FREM3: variants seen among roughly 807,000 people sequenced by gnomAD.
FREM3 encodes the protein FRAS1 related extracellular matrix 3.
FREM3 carries 105 observed loss-of-function variants against 129.1 expected under a neutral mutation model. The observed-to-expected ratio is 0.81, with a 90% confidence interval of 0.69 to 0.96. The LOEUF (loss-of-function observed/expected upper bound fraction) is 0.96, where lower values mean the gene tolerates loss of function less well. Ranked by LOEUF, FREM3 falls within the 40% of genes least tolerant of loss-of-function variation. The pLI is 0.00. For synonymous variants in FREM3, 1,014 were observed against 1,044.9 expected, an observed-to-expected ratio of 0.97 and a Z score of 0.57; for missense variants, 2,593 against 2,666.3, an observed-to-expected ratio of 0.97 and a Z score of 0.61.
At chr4:143,693,274 G>T in intron 1 of FREM3, 72 bp from the exon 2 acceptor site, 1 of 629,976 alleles carries the variant, frequency 1.6e-6, no homozygotes, top group South Asian at 2.6e-5. Context: ...CAACTTCAAA[G>T]TTTTAATTAG....
In FREM3 at chr4:143,691,717, G is replaced by A. The variant is rs140797632; in HGVS notation, c.5275+1396C>T. ...GTCTTTAGGGACTGGCTAGCTCACA[G>A]AAAAAAGTTAAAACATGGTAGCTAC... is the stretch of plus-strand genomic sequence containing the variant. On this transcript the variant is annotated intron_variant, in intron 2 of 7. Transcript: ENST00000329798. Among the ~76,000 whole-genome samples the A allele has an allele frequency of 1.1e-4, 17 of 152,290 alleles. No homozygotes were observed. The East Asian group carries it at 3.3e-3, about 29-fold the overall frequency.
At position 143,697,190 on chromosome 4, in the gene FREM3, T is replaced by C. The variant is rs1740588719; in HGVS notation, c.3486A>G (p.Gln1162=). 2.0e-6 allele frequency: 3 copies of C among 1,537,822 alleles called. No homozygotes were observed. The highest frequency in any genetic ancestry group is 2.0e-5 in the Admixed American group (1 of 50,994). ...AGCAATAAAAGGTGAATTGGTCCTC[T>C]TGTGGCTCTACTCCCTTGTGAATAC... ...VQSIHKGVEP[Q]EDQFTFYCSD... Residue 1162 remains glutamine (Q), a synonymous_variant, in exon 1 of 8, where the codon CAA becomes CAG. Coordinates refer to ENST00000329798, the MANE Select transcript of FREM3 (RefSeq NM_001168235.2).
chr4:143,664,672 C>T (rs1739817105), intron 2 of FREM3, among the ~76,000 whole-genome samples: 1 of 152,188 alleles, frequency 6.6e-6, no homozygotes, highest in Non-Finnish European at 1.5e-5. Flanking sequence ...TTTTGTTTGT[C>T]TGTGCCCTGC....
chr4:143,621,225 A>C (rs2149841416), intron 4 of FREM3, 63 bp from the exon 5 acceptor site: 1 of 1,442,512 alleles, frequency 6.9e-7, no homozygotes, highest in East Asian at 2.5e-5. Context: ...ATTTAAACAC[A>C]CCTGAGCAGA....
At chr4:143,588,139 C>A (rs1738274554) in intron 6 of FREM3, among the ~76,000 whole-genome samples, 1 of 152,212 alleles carries the variant, frequency 6.6e-6, no homozygotes, top group African/African-American at 2.4e-5. Flanking sequence ...AGGTGGCACA[C>A]ATCATACTGC....
At chr4:143,637,258 C>CT (rs1055959180) in intron 2 of FREM3, among the ~76,000 whole-genome samples, 6 of 151,976 alleles carry the variant, frequency 3.9e-5, no homozygotes, top group Non-Finnish European at 5.9e-5. Context: ...ATATAATGGT[C>CT]TTTTTTTCCA....
intron 2 of FREM3, among the ~76,000 whole-genome samples, chr4:143,661,377 A>G (rs1322867292): frequency 2.0e-5 from 3 of 152,098 alleles, no homozygotes; most frequent in African/African-American, 7.2e-5. Flanking sequence ...TTCTGTTTAT[A>G]TGCTGGATTA....
intron 2 of FREM3, among the ~76,000 whole-genome samples, chr4:143,692,092 T>A (rs1389202237): frequency 6.6e-6 from 1 of 152,114 alleles, no homozygotes; most frequent in Non-Finnish European, 1.5e-5. Flanking sequence ...TATCTTTAAA[T>A]TAATTTTTTT....
chr4:143,695,195 G>A (rs1222279123), intron 1 of FREM3, among the ~76,000 whole-genome samples: 2 of 152,128 alleles, frequency 1.3e-5, no homozygotes, highest in Non-Finnish European at 2.9e-5. Context: ...TTAATATAAT[G>A]TTATCTTCTA....
chr4:143,624,968 CTT>C (rs1352460226), intron 3 of FREM3, among the ~76,000 whole-genome samples: 1 of 152,028 alleles, frequency 6.6e-6, no homozygotes, highest in Admixed American at 6.6e-5. Flanking sequence ...TAAGAGAACT[CTT>C]AGTAATTTTT....
At chr4:143,640,484 A>G (rs1739304019) in intron 2 of FREM3, among the ~76,000 whole-genome samples, 1 of 152,206 alleles carries the variant, frequency 6.6e-6, no homozygotes, top group South Asian at 2.1e-4. Context: ...TAGCCTGACC[A>G]ACATGGAGAA....
rs921121137 is a variant in FREM3 at position 143,577,651 on chromosome 4, A to G, written c.6380T>C (p.Ile2127Thr). 7.0e-5 allele frequency: 108 copies of G among 1,537,110 alleles called. No individual in the cohort carries two copies. The highest frequency in any genetic ancestry group is 8.8e-5 in the Non-Finnish European group (101 of 1,146,886). ...NKTTIFIEDT[I>T]TDCKQSACSS... ...ACAAGCACTCTGCTTACAGTCCGTG[A>G]TGGTGTCCTCGATGAAAATGGTAGT... is the stretch of plus-strand genomic sequence containing the variant. The change falls in exon 8 of 8, where the codon ATC becomes ACC. Residue 2127 changes from isoleucine (I) to threonine (T), a missense_variant. Coordinates refer to ENST00000329798, the MANE Select transcript of FREM3 (RefSeq NM_001168235.2).
intron 7 of FREM3, among the ~76,000 whole-genome samples, chr4:143,581,162 C>T (rs908812015): frequency 6.6e-6 from 1 of 152,214 alleles, no homozygotes; most frequent in Non-Finnish European, 1.5e-5. Context: ...CATGCGAGTC[C>T]CTGCCACTGT....
intron 2 of FREM3, among the ~76,000 whole-genome samples, chr4:143,657,312 A>C (rs111528993): frequency 2.8e-3 from 429 of 152,344 alleles, no homozygotes; most frequent in Non-Finnish European, 5.1e-3. Context: ...GTTTTCTTAA[A>C]ATGCTTTCCA....
chr4:143,591,412 T>G (rs1185831394), intron 6 of FREM3, among the ~76,000 whole-genome samples: 3 of 152,250 alleles, frequency 2.0e-5, no homozygotes, highest in Non-Finnish European at 4.4e-5. Context: ...CTGCTTTGAA[T>G]GTGTCCCAGA....
At chr4:143,677,743 A>G (rs1458635559) in intron 2 of FREM3, among the ~76,000 whole-genome samples, 1 of 152,238 alleles carries the variant, frequency 6.6e-6, no homozygotes. Context: ...ATGAACAGAC[A>G]CTTCTCAAAA....
Position 143,697,392 on chromosome 4 carries a change from A to T in FREM3, c.3284T>A (p.Val1095Asp), listed in dbSNP as rs375639553. The change falls in exon 1 of 8, where the codon GTT becomes GAT. Residue 1095 changes from valine to aspartate, a missense_variant. Physicochemically the swap from Val to Asp is radical, Grantham distance 152. This residue lies in a region of FREM3 where 2,276 missense variants were observed against 2,267.2 expected (regional missense o/e 1.00). Transcript: ENST00000329798. ...KNSLTLQHLH[V>D]EDVDTHQDEL... ...ATCTTGATGAGTGTCCACATCTTCA[A>T]CATGGAGATGTTGTAAGGTCAAGGA... 1.1e-5 allele frequency: 17 copies of T among 1,537,020 alleles called. No homozygotes were observed. In the African/African-American group the frequency reaches 2.3e-4, roughly 21 times the overall value.
At chr4:143,647,072 G>C (rs558325782) in intron 2 of FREM3, among the ~76,000 whole-genome samples, 2 of 152,192 alleles carry the variant, frequency 1.3e-5, no homozygotes, top group Non-Finnish European at 2.9e-5. Flanking sequence ...TAGTGATATG[G>C]GCAATGAAGT....
intron 2 of FREM3, among the ~76,000 whole-genome samples, chr4:143,667,930 C>T (rs1342568052): frequency 6.6e-6 from 1 of 152,050 alleles, no homozygotes; most frequent in Non-Finnish European, 1.5e-5. Flanking sequence ...AGAATTTGTA[C>T]TTATAAAAAT....
Sources: allele counts gnomAD v4.1 joint callset (sites outside exome capture counted in the v4.1 genomes callset), GRCh38; gene constraint gnomAD v4.1.1; regional missense constraint gnomAD v4.1.1; transcripts MANE v1.5; gene names NCBI Gene and HGNC (gene_info 2026-07-23, HGNC 2026-07-21).